The following SPAST variants were observed in gnomAD, a reference collection of about 807,000 sequenced individuals.
The protein encoded by SPAST is spastic paraplegia 4 (autosomal dominant; spastin).
SPAST carries 30 observed loss-of-function variants against 76.6 expected under a neutral mutation model. That is an observed-to-expected ratio of 0.39 (90% CI 0.29 to 0.53). The LOEUF is 0.53. Ranked by LOEUF, SPAST falls within the 20% of genes least tolerant of loss-of-function variation. The pLI is 0.68. For synonymous variants in SPAST, 305 were observed against 281.0 expected, an observed-to-expected ratio of 1.09 and a Z score of -0.86; for missense variants, 717 against 770.5, an observed-to-expected ratio of 0.93 and a Z score of 0.82.
chr2:32,104,250 T>G (rs918107119), intron 4 of SPAST, among the ~76,000 whole-genome samples: 11 of 152,330 alleles, frequency 7.2e-5, no homozygotes, highest in African/African-American at 2.4e-4. Flanking sequence ...TTAAAGTCTG[T>G]TTTATCAGAG....
chr2:32,072,507 G>A (rs898459261), intron 1 of SPAST, among the ~76,000 whole-genome samples: 9 of 152,106 alleles, frequency 5.9e-5, no homozygotes, highest in Non-Finnish European at 1.3e-4. Context: ...GGGTATATGA[G>A]TCATGTCCAA....
Position 32,071,794 on chromosome 2 carries a change from G to T in SPAST, c.415+7548G>T, listed in dbSNP as rs536626156. ...TAAAATAATAGGTTGTAGCTACCAA[G>T]GTTTTTATTGTACAGATGAAGCCTC... On this transcript the variant is annotated intron_variant, in intron 1 of 16. Transcript: ENST00000315285. Among the ~76,000 whole-genome samples the T allele has an allele frequency of 1.1e-4, 17 of 152,306 alleles. No homozygotes were observed. In the South Asian group the frequency reaches 3.5e-3, roughly 32 times the overall value.
chr2:32,140,511 C>T (rs995712407), intron 12 of SPAST, among the ~76,000 whole-genome samples: 1 of 152,044 alleles, frequency 6.6e-6, no homozygotes, highest in Admixed American at 6.6e-5. Context: ...GTAATCCCAG[C>T]TACTCAGGAG....
At chr2:32,091,820 C>T (rs1001956399) in intron 3 of SPAST, among the ~76,000 whole-genome samples, 34 of 151,292 alleles carry the variant, frequency 2.2e-4, no homozygotes, top group African/African-American at 7.5e-4. Flanking sequence ...GGCAAAAGAG[C>T]GAGACTCTGT....
chr2:32,074,988 A>G (rs1165549691), intron 1 of SPAST, among the ~76,000 whole-genome samples: 1 of 152,194 alleles, frequency 6.6e-6, no homozygotes, highest in African/African-American at 2.4e-5. Context: ...GAGAACTATT[A>G]TTATAAAATC....
Position 32,136,560 on chromosome 2 carries a change from T to G in SPAST, c.1246-3T>G. ...TGTATAACAGTATAATGCTTTGTTT[T>G]AGGTGGGAGAAGGAGAGAAATTGGT... On this transcript the variant is annotated splice_region_variant and splice_polypyrimidine_tract_variant and intron_variant, in intron 9 of 16. Transcript: ENST00000315285. 6.2e-7 allele frequency: 1 copy of G among 1,609,468 alleles called. No homozygotes were observed. The highest frequency in any genetic ancestry group is 2.2e-5 in the East Asian group (1 of 44,812).
chr2:32,095,993 G>C (rs1281427700), intron 3 of SPAST, among the ~76,000 whole-genome samples: 1 of 152,164 alleles, frequency 6.6e-6, no homozygotes, highest in East Asian at 1.9e-4. Flanking sequence ...GTGTTATATG[G>C]TAAGGTTTTC....
At chr2:32,109,733 A>G (rs1045153943) in intron 4 of SPAST, among the ~76,000 whole-genome samples, 1 of 149,112 alleles carries the variant, frequency 6.7e-6, no homozygotes, top group African/African-American at 2.4e-5. Flanking sequence ...ATATGTATAT[A>G]TAACTATATA....
intron 3 of SPAST, among the ~76,000 whole-genome samples, chr2:32,092,436 AAATT>A (rs1377219695): frequency 2.0e-5 from 3 of 152,196 alleles, no homozygotes; most frequent in Non-Finnish European, 2.9e-5. Context: ...ACATCTTTCA[AAATT>A]AATAAGAGTT....
At chr2:32,109,977 T>C (rs1286973767) in intron 4 of SPAST, among the ~76,000 whole-genome samples, 4 of 148,662 alleles carry the variant, frequency 2.7e-5, no homozygotes, top group African/African-American at 9.8e-5. Flanking sequence ...TATATACATA[T>C]ATAGTTATAT....
intron 4 of SPAST, among the ~76,000 whole-genome samples, chr2:32,110,804 T>C (rs978488860): frequency 7.3e-6 from 1 of 136,486 alleles, no homozygotes; most frequent in Admixed American, 7.6e-5. Flanking sequence ...GTATACATAG[T>C]ATACTATATA....
At chr2:32,069,985 A>G (rs1676682563) in intron 1 of SPAST, among the ~76,000 whole-genome samples, 1 of 151,972 alleles carries the variant, frequency 6.6e-6, no homozygotes, top group Non-Finnish European at 1.5e-5. Context: ...TCTCATTTTA[A>G]TGAAATCTCG....
intron 4 of SPAST, among the ~76,000 whole-genome samples, chr2:32,107,857 G>A (rs945255233): frequency 1.3e-5 from 2 of 152,088 alleles, no homozygotes; most frequent in Non-Finnish European, 2.9e-5. Flanking sequence ...CCTATTAGTA[G>A]TTTATTAGTG....
At chr2:32,152,124 A>C (rs1177348581) in intron 16 of SPAST, among the ~76,000 whole-genome samples, 1 of 152,122 alleles carries the variant, frequency 6.6e-6, no homozygotes, top group Non-Finnish European at 1.5e-5. Flanking sequence ...CAACTTTTCT[A>C]CTTATTTCCC....
chr2:32,070,068 A>T (rs13005905), intron 1 of SPAST, among the ~76,000 whole-genome samples: 17 of 50,922 alleles, frequency 3.3e-4, no homozygotes, highest in South Asian at 9.3e-4. Context: ...AAAAAAAAAA[A>T]TTTTTTTTTT....
At chr2:32,121,004 A>G (rs2148738749) in intron 7 of SPAST, among the ~76,000 whole-genome samples, 1 of 152,340 alleles carries the variant, frequency 6.6e-6, no homozygotes, top group South Asian at 2.1e-4. Context: ...ACAGAAGATC[A>G]GGAATCAGGA....
At chr2:32,142,425 A>AT (rs1348177894) in intron 13 of SPAST, among the ~76,000 whole-genome samples, 5 of 151,968 alleles carry the variant, frequency 3.3e-5, no homozygotes, top group Non-Finnish European at 1.5e-5. Context: ...TTATTTATTT[A>AT]TTTTTTTGAG....
Position 32,063,671 on chromosome 2 carries a change from G to A in SPAST, c.-161G>A. 1 of 911,982 alleles carries A rather than the reference G, an allele frequency of 1.1e-6. No individual in the cohort carries two copies. The highest frequency in any genetic ancestry group is 1.6e-6 in the Non-Finnish European group (1 of 624,942). The allele number at this position is 911,982 out of a possible 1,614,324, so 56.5% of individuals were successfully genotyped here. On this transcript the variant is annotated 5_prime_UTR_variant, in exon 1 of 17. Coordinates refer to ENST00000315285, the MANE Select transcript of SPAST (RefSeq NM_014946.4). ...GTGCTCCTGGCCGAGGAAGGAGAAA[G>A]GGGCGGGGCCGGCGGGCAGCGTGCG...
intron 3 of SPAST, among the ~76,000 whole-genome samples, chr2:32,095,054 T>C (rs1422661806): frequency 6.6e-6 from 1 of 152,236 alleles, no homozygotes; most frequent in African/African-American, 2.4e-5. Flanking sequence ...TATGTTGCAT[T>C]ATAGACTCTA....
Sources: allele counts gnomAD v4.1 joint callset (sites outside exome capture counted in the v4.1 genomes callset), GRCh38; gene constraint gnomAD v4.1.1; transcripts MANE v1.5; gene names NCBI Gene and HGNC (gene_info 2026-07-23, HGNC 2026-07-21).